CSMD1: variants seen among roughly 807,000 people sequenced by gnomAD.
CSMD1 encodes CUB and sushi domain-containing protein 1.
A neutral mutation model predicts 417.5 loss-of-function variants in CSMD1; 213 were observed. The ratio of observed to expected loss-of-function variants is 0.51; its 90% CI spans 0.46 to 0.57. The LOEUF is 0.57. CSMD1 is among the 20% of genes least tolerant of loss of function. CSMD1 has a pLI of 0.00. For missense variants in CSMD1, 6,923 were observed against 4,529.7 expected, an observed-to-expected ratio of 1.53 and a Z score of -15.17; for synonymous variants, 2,862 against 1,736.8, an observed-to-expected ratio of 1.65 and a Z score of -16.11.
At chr8:4,811,829 T>C (rs1010078658) in intron 1 of CSMD1, among the ~76,000 whole-genome samples, 9 of 151,816 alleles carry the variant, frequency 5.9e-5, no homozygotes, top group Admixed American at 4.6e-4. Flanking sequence ...AAAGATGTGA[T>C]TTTTTTTCTT....
At chr8:3,490,879 T>C (rs1488726290) in intron 11 of CSMD1, among the ~76,000 whole-genome samples, 5 of 151,946 alleles carry the variant, frequency 3.3e-5, no homozygotes, top group Non-Finnish European at 5.9e-5. Context: ...AAAAAAATTT[T>C]TTTTTACCTA....
intron 3 of CSMD1, among the ~76,000 whole-genome samples, chr8:4,092,779 A>G (rs1270607342): frequency 2.6e-5 from 4 of 152,096 alleles, no homozygotes; most frequent in Non-Finnish European, 5.9e-5. Context: ...TTACTGTATT[A>G]TTTCATGAAA....
intron 3 of CSMD1, among the ~76,000 whole-genome samples, chr8:4,303,082 G>C (rs932779423): frequency 2.0e-4 from 31 of 152,024 alleles, no homozygotes; most frequent in Non-Finnish European, 3.7e-4. Context: ...ATTTTACACA[G>C]ACAATTTTTG....
At chr8:4,843,997 G>A (rs907636990) in intron 1 of CSMD1, among the ~76,000 whole-genome samples, 2 of 152,154 alleles carry the variant, frequency 1.3e-5, no homozygotes, top group African/African-American at 4.8e-5. Flanking sequence ...ATGAGATTGT[G>A]AGACATTTGA....
chr8:4,765,873 C>T (rs1812430752), intron 1 of CSMD1, among the ~76,000 whole-genome samples: 1 of 152,142 alleles, frequency 6.6e-6, no homozygotes, highest in Non-Finnish European at 1.5e-5. Context: ...GGCCCAGAAG[C>T]TAATCTGTTG....
chr8:4,258,743 C>T (rs1016045313), intron 3 of CSMD1, among the ~76,000 whole-genome samples: 1 of 151,990 alleles, frequency 6.6e-6, no homozygotes, highest in African/African-American at 2.4e-5. Context: ...TGTATGAGGA[C>T]ACAGACATTT....
chr8:3,694,391 C>G (rs1285004684), intron 7 of CSMD1, among the ~76,000 whole-genome samples: 2 of 152,154 alleles, frequency 1.3e-5, no homozygotes, highest in Non-Finnish European at 2.9e-5. Flanking sequence ...GAAGACTGAT[C>G]AACAGCTCTG....
At chr8:3,988,640 G>A (rs1263711992) in intron 5 of CSMD1, among the ~76,000 whole-genome samples, 1 of 152,196 alleles carries the variant, frequency 6.6e-6, no homozygotes, top group Non-Finnish European at 1.5e-5. Context: ...AGATAAATAT[G>A]TACTTCGGTC....
Position 3,940,307 on chromosome 8 carries a change from A to G in CSMD1, c.818+57596T>C, listed in dbSNP as rs573711179. Among the ~76,000 whole-genome samples the G allele has an allele frequency of 2.6e-5, 4 of 152,214 alleles. No individual in the cohort carries two copies. The East Asian group carries it at 7.7e-4, about 29-fold the overall frequency. ...ACATTTTAGGGTGGTGAATTTATAT[A>G]TACACTTAATATTTTTCAAAATTTG... On this transcript the variant is annotated intron_variant, in intron 5 of 69. Transcript: ENST00000635120.
intron 3 of CSMD1, among the ~76,000 whole-genome samples, chr8:4,386,698 C>G (rs78917572): frequency 0.15 from 23,358 of 152,116 alleles, 1,939 homozygotes; most frequent in Admixed American, 0.23. Flanking sequence ...GTATTGCAGA[C>G]AAGGATCCAG....
At chr8:3,954,656 C>G (rs1005256025) in intron 5 of CSMD1, among the ~76,000 whole-genome samples, 1 of 152,368 alleles carries the variant, frequency 6.6e-6, no homozygotes, top group South Asian at 2.1e-4. Flanking sequence ...GCCACCGCAC[C>G]TGGCCGGATC....
At chr8:4,743,845 T>G (rs1810780296) in intron 1 of CSMD1, among the ~76,000 whole-genome samples, 1 of 152,150 alleles carries the variant, frequency 6.6e-6, no homozygotes, top group Non-Finnish European at 1.5e-5. Context: ...CTTCTTGCGG[T>G]CCACTTTTCT....
chr8:3,517,395 A>G (rs1797326405), intron 10 of CSMD1, among the ~76,000 whole-genome samples: 1 of 152,206 alleles, frequency 6.6e-6, no homozygotes, highest in Admixed American at 6.5e-5. Context: ...GCTGATAAAC[A>G]ATCCTTAGTA....
chr8:4,696,368 C>T (rs1203069682), intron 1 of CSMD1, among the ~76,000 whole-genome samples: 1 of 152,104 alleles, frequency 6.6e-6, no homozygotes, highest in African/African-American at 2.4e-5. Context: ...TAAACTAAGG[C>T]CTACCTCTAT....
chr8:4,841,909 C>A (rs2116781490), intron 1 of CSMD1, among the ~76,000 whole-genome samples: 1 of 18,176 alleles, frequency 5.5e-5, no homozygotes. Flanking sequence ...AAAACTCCGT[C>A]TCAAAAAAAA....
At chr8:4,799,350 A>G (rs2117273563) in intron 1 of CSMD1, among the ~76,000 whole-genome samples, 1 of 152,252 alleles carries the variant, frequency 6.6e-6, no homozygotes, top group African/African-American at 2.4e-5. Flanking sequence ...TAATACAATG[A>G]CGAGTAATTT....
chr8:3,850,025 A>T (rs996907530), intron 5 of CSMD1, among the ~76,000 whole-genome samples: 2 of 152,040 alleles, frequency 1.3e-5, no homozygotes, highest in Non-Finnish European at 2.9e-5. Flanking sequence ...CAAACTTCTG[A>T]CCTCAGGTGA....
chr8:4,737,607 C>G (rs577597207), intron 1 of CSMD1, among the ~76,000 whole-genome samples: 1 of 152,110 alleles, frequency 6.6e-6, no homozygotes, highest in Non-Finnish European at 1.5e-5. Flanking sequence ...TATCTTTATA[C>G]TAGCACTATA....
chr8:4,444,042 G>C (rs1454267264), intron 2 of CSMD1, among the ~76,000 whole-genome samples: 2 of 152,090 alleles, frequency 1.3e-5, no homozygotes, highest in Non-Finnish European at 2.9e-5. Context: ...CTATCTTTGA[G>C]AAGAGTAAGA....
Sources: gnomAD v4.1 joint callset for allele counts (sites outside exome capture counted in the v4.1 genomes callset) on GRCh38, gnomAD v4.1.1 for gene constraint, MANE v1.5 for transcripts, NCBI Gene and HGNC (gene_info 2026-07-23, HGNC 2026-07-21) for gene names.